Variants in CDYL observed in about 807,000 individuals in gnomAD.
CDYL encodes chromodomain Y like.
A neutral mutation model predicts 47.3 loss-of-function variants in CDYL; 8 were observed. The ratio of observed to expected loss-of-function variants is 0.17; its 90% CI spans 0.10 to 0.31. The LOEUF (loss-of-function observed/expected upper bound fraction) is 0.31, where lower values mean the gene tolerates loss of function less well. Ranked by LOEUF, CDYL falls within the 10% of genes least tolerant of loss-of-function variation. CDYL has a pLI of 1.00. For synonymous variants in CDYL, 266 were observed against 265.0 expected (o/e 1.00, Z -0.04); for missense variants, 471 against 701.4 (o/e 0.67, Z 3.71).
chr6:4,776,722 GC>G lies in CDYL; in HGVS notation c.-60del. 1 of 1,271,456 alleles carries G rather than the reference GC, an allele frequency of 7.9e-7. No homozygotes were observed. The highest frequency in any genetic ancestry group is 1.0e-6 in the Non-Finnish European group (1 of 986,162). 78.8% of individuals were successfully genotyped at this position (1,271,456 alleles called of 1,614,324 possible). ...AGGACCCAACTGAAACAAAGTGTCG[GC>G]CGCCCGGCGCCGGCGCCCGCCCCGA... On this transcript the variant is annotated 5_prime_UTR_variant, in exon 1 of 7. Transcript: ENST00000397588.
intron 2 of CDYL, among the ~76,000 whole-genome samples, chr6:4,893,135 A>C (rs1487835483): frequency 6.6e-6 from 1 of 152,108 alleles, no homozygotes; most frequent in Non-Finnish European, 1.5e-5. Flanking sequence ...GGAGCTTTCT[A>C]ATAGGGCTTC....
intron 5 of CDYL, among the ~76,000 whole-genome samples, chr6:4,945,310 C>G (rs910965053): frequency 6.6e-6 from 1 of 152,168 alleles, no homozygotes; most frequent in South Asian, 2.1e-4. Context: ...CTTCCTGCAT[C>G]TAAACGTACT....
intron 3 of CDYL, among the ~76,000 whole-genome samples, chr6:4,753,670 C>T (rs1036324751): frequency 2.0e-5 from 3 of 152,118 alleles, no homozygotes; most frequent in South Asian, 2.1e-4. Context: ...GTAAGAAATG[C>T]ATTATTATAT....
intron 2 of CDYL, among the ~76,000 whole-genome samples, chr6:4,724,063 G>C (rs1474991711): frequency 6.6e-6 from 1 of 152,174 alleles, no homozygotes; most frequent in Non-Finnish European, 1.5e-5. Flanking sequence ...GCGTTTGAGA[G>C]AGTCTTGCTC....
chr6:4,868,524 A>G (rs1352723112), intron 1 of CDYL, among the ~76,000 whole-genome samples: 2 of 152,020 alleles, frequency 1.3e-5, no homozygotes. Context: ...ATCTTTTTAT[A>G]TATCTTAAAT....
intron 4 of CDYL, among the ~76,000 whole-genome samples, chr6:4,938,449 A>G (rs1224879627): frequency 6.6e-6 from 1 of 152,138 alleles, no homozygotes; most frequent in Non-Finnish European, 1.5e-5. Flanking sequence ...TTTTAGACTT[A>G]CTTTTAAACT....
intron 1 of CDYL, among the ~76,000 whole-genome samples, chr6:4,836,514 G>C (rs1199148203): frequency 2.0e-5 from 3 of 152,100 alleles, no homozygotes; most frequent in African/African-American, 7.2e-5. Flanking sequence ...TCGAGAGCAT[G>C]GCTCTCACCA....
intron 2 of CDYL, among the ~76,000 whole-genome samples, chr6:4,721,559 T>C (rs1442190277): frequency 2.0e-5 from 3 of 152,064 alleles, no homozygotes; most frequent in Admixed American, 6.6e-5. Context: ...AATTTTTGTA[T>C]TTTTAGCAGA....
intron 2 of CDYL, among the ~76,000 whole-genome samples, chr6:4,893,512 G>A (rs574725270): frequency 6.6e-6 from 1 of 152,222 alleles, no homozygotes; most frequent in Non-Finnish European, 1.5e-5. Flanking sequence ...GGCCAACATG[G>A]TGAAACCCCG....
At chr6:4,838,904 C>T (rs1760404840) in intron 1 of CDYL, among the ~76,000 whole-genome samples, 1 of 152,154 alleles carries the variant, frequency 6.6e-6, no homozygotes, top group Non-Finnish European at 1.5e-5. Context: ...CCAGGCTGGT[C>T]TTGAACTCCT....
At chr6:4,826,203 C>A (rs963182088) in intron 1 of CDYL, among the ~76,000 whole-genome samples, 1 of 152,194 alleles carries the variant, frequency 6.6e-6, no homozygotes, top group African/African-American at 2.4e-5. Flanking sequence ...TCCATTGATT[C>A]AATGGTCCTC....
intron 1 of CDYL, chr6:4,889,947 A>G (rs892684721): frequency 2.0e-6 from 2 of 984,544 alleles, no homozygotes; most frequent in African/African-American, 3.5e-5. Context: ...GCCTGGCAGC[A>G]GCAGGTCCCC....
At chr6:4,852,209 C>T (rs1760848933) in intron 1 of CDYL, among the ~76,000 whole-genome samples, 1 of 152,170 alleles carries the variant, frequency 6.6e-6, no homozygotes. Flanking sequence ...GGAAGATTTT[C>T]TAGTCCTGTC....
rs4053260 is a variant in CDYL, at chr6:4,756,580, A to ATGTGTGTGTG, written c.186+21762_186+21771dup. 3.4e-3 allele frequency among the ~76,000 whole-genome samples: 483 copies of ATGTGTGTGTG among 142,924 alleles called. 6 individuals carry two copies. The highest frequency in any genetic ancestry group is 0.015 in the East Asian group (70 of 4,722). The allele number at this position is 142,924 out of a possible 152,430, so 93.8% of individuals were successfully genotyped here. A position where few individuals can be genotyped will look rare whatever the true frequency, so the allele number is the denominator to read the frequency against. ...TGTAGTAATTAAAATTATCGTGTGTATGTGTGTGTGTGTGTGTGTGTGTGT... is the reference window on the plus strand; with the variant it reads ...TGTAGTAATTAAAATTATCGTGTGTATGTGTGTGTGTGTGTGTGTGTGTGTGTGTGTGTGT... On this transcript the variant is annotated intron_variant, in intron 3 of 8. Coordinates refer to the CDYL transcript ENST00000328908.
At chr6:4,900,027 G>A (rs575589878) in intron 2 of CDYL, among the ~76,000 whole-genome samples, 1 of 152,298 alleles carries the variant, frequency 6.6e-6, no homozygotes, top group Admixed American at 6.5e-5. Context: ...TAAACAGAAT[G>A]TGTAAATGTC....
chr6:4,785,172 A>G (rs958605979), intron 1 of CDYL, among the ~76,000 whole-genome samples: 1 of 152,238 alleles, frequency 6.6e-6, no homozygotes, highest in African/African-American at 2.4e-5. Context: ...AGGCTCTACC[A>G]TACAGCCTAG....
chr6:4,896,168 C>T (rs552490743), intron 2 of CDYL, among the ~76,000 whole-genome samples: 7 of 152,290 alleles, frequency 4.6e-5, no homozygotes, highest in African/African-American at 1.4e-4. Flanking sequence ...ACATCCCCTG[C>T]GGCCTTGATC....
intron 1 of CDYL, among the ~76,000 whole-genome samples, chr6:4,831,751 T>A (rs1452082156): frequency 6.6e-6 from 1 of 152,222 alleles, no homozygotes; most frequent in African/African-American, 2.4e-5. Context: ...TTAATTTCAT[T>A]GAGCAGTGGT....
intron 2 of CDYL, among the ~76,000 whole-genome samples, chr6:4,723,956 G>A (rs547984730): frequency 6.6e-6 from 1 of 152,134 alleles, no homozygotes; most frequent in African/African-American, 2.4e-5. Context: ...GAGCCCTGGG[G>A]ATTAAAAGAG....
Sources: allele counts gnomAD v4.1 joint callset (sites outside exome capture counted in the v4.1 genomes callset), GRCh38; gene constraint gnomAD v4.1.1; transcripts MANE v1.5; gene names NCBI Gene and HGNC (gene_info 2026-07-23, HGNC 2026-07-21).